Variants in CIT observed in about 807,000 individuals in gnomAD.
The protein encoded by CIT is citron rho-interacting serine/threonine kinase, also known as citron Rho-interacting kinase.
Under a neutral mutation model 272.7 loss-of-function variants are expected in CIT, and 79 were observed. The ratio of observed to expected loss-of-function variants is 0.29; its 90% CI spans 0.24 to 0.35. The LOEUF is 0.35. Ranked by LOEUF, CIT falls within the 10% of genes least tolerant of loss-of-function variation. The pLI, the probability that CIT is intolerant of heterozygous loss-of-function variation, is 1.00. For missense variants in CIT, 1,909 were observed against 2,618.3 expected, an observed-to-expected ratio of 0.73 and a Z score of 5.91; for synonymous variants, 948 against 995.6, an observed-to-expected ratio of 0.95 and a Z score of 0.90.
intron 28 of CIT, among the ~76,000 whole-genome samples, chr12:119,724,588 G>C (rs1938745687): frequency 6.6e-6 from 1 of 152,132 alleles, no homozygotes; most frequent in African/African-American, 2.4e-5. Context: ...ATTTGACCAG[G>C]ACTAGCAAAT....
At chr12:119,762,243 T>C (rs1035321593) in intron 19 of CIT, among the ~76,000 whole-genome samples, 1 of 151,564 alleles carries the variant, frequency 6.6e-6, no homozygotes, top group African/African-American at 2.4e-5. Context: ...AACTGACTGA[T>C]GAAAAAAAAT....
intron 9 of CIT, chr12:119,803,950 C>T (rs1966422993): frequency 6.3e-6 from 1 of 157,672 alleles, no homozygotes; most frequent in African/African-American, 2.4e-5. Flanking sequence ...CTACTTCATT[C>T]ATACCCGGAC....
At chr12:119,847,660 G>T (rs1969910785) in intron 5 of CIT, among the ~76,000 whole-genome samples, 1 of 151,562 alleles carries the variant, frequency 6.6e-6, no homozygotes, top group Non-Finnish European at 1.5e-5. Context: ...GGAGGCCAAG[G>T]CGGGCAGATC....
chr12:119,857,971 A>G (rs1360641004), intron 3 of CIT, among the ~76,000 whole-genome samples: 1 of 152,234 alleles, frequency 6.6e-6, no homozygotes, highest in African/African-American at 2.4e-5. Context: ...GAGAGAGGAT[A>G]CAAATTATGT....
intron 25 of CIT, 76 bp downstream of exon 25, chr12:119,735,084 G>C: frequency 7.1e-7 from 1 of 1,414,120 alleles, no homozygotes; most frequent in South Asian, 1.2e-5. Context: ...GGAACCCTTG[G>C]GAGAACGCAC....
At chr12:119,807,168 C>T (rs1358850224) in intron 9 of CIT, among the ~76,000 whole-genome samples, 2 of 152,176 alleles carry the variant, frequency 1.3e-5, no homozygotes, top group East Asian at 3.8e-4. Context: ...GATTCATGTG[C>T]ACACCACAGT....
intron 26 of CIT, among the ~76,000 whole-genome samples, chr12:119,732,003 T>C (rs1958486280): frequency 6.6e-6 from 1 of 151,788 alleles, no homozygotes; most frequent in East Asian, 1.9e-4. Context: ...ACCCGGCTAA[T>C]TTTTGTATTT....
At chr12:119,775,650 C>T in intron 16 of CIT, 136 bp downstream of exon 16, 1 of 650,420 alleles carries the variant, frequency 1.5e-6, no homozygotes, top group East Asian at 2.7e-5. Context: ...CAGGTAATCG[C>T]TCACTCCCCC....
chr12:119,852,945 C>T (rs1015244480), intron 4 of CIT, among the ~76,000 whole-genome samples: 28 of 151,914 alleles, frequency 1.8e-4, no homozygotes, highest in African/African-American at 3.1e-4. Context: ...CTGTATGTGA[C>T]GGTTAGTCTT....
chr12:119,776,307 A>G (rs1200843621), intron 15 of CIT, 51 bp downstream of exon 15: 1 of 1,444,788 alleles, frequency 6.9e-7, no homozygotes, highest in African/African-American at 1.4e-5. Flanking sequence ...TAACATGAAA[A>G]AAGTTATCTA....
intron 2 of CIT, among the ~76,000 whole-genome samples, chr12:119,870,508 C>G (rs1210643598): frequency 2.7e-5 from 4 of 146,248 alleles, no homozygotes; most frequent in African/African-American, 1.0e-4. Context: ...CGAGATCACA[C>G]CACCGCACTC....
chr12:119,742,581 ATC>A (rs1391400497), intron 23 of CIT, 117 bp from the exon 24 acceptor site: 2 of 645,394 alleles, frequency 3.1e-6, no homozygotes, highest in South Asian at 4.4e-5. Context: ...CGGCACCAGC[ATC>A]TGTTTTTCTA....
At chr12:119,854,377 C>T (rs1014422348) in intron 4 of CIT, among the ~76,000 whole-genome samples, 2 of 151,822 alleles carry the variant, frequency 1.3e-5, no homozygotes, top group Non-Finnish European at 2.9e-5. Context: ...GTGGCTCACG[C>T]CTGTAATCCC....
rs1950834355 is a variant in CIT at position 119,876,060 on chromosome 12, G to A, written c.96+13C>T. The A allele has an allele frequency of 6.3e-7, 1 of 1,584,962 alleles. No homozygotes were observed. Among genetic ancestry groups the A allele is most frequent in the African/African-American group, 1.3e-5 (1 of 74,302 alleles). On this transcript the variant is annotated intron_variant, in intron 2 of 47. Coordinates refer to ENST00000392521, the MANE Select transcript of CIT (RefSeq NM_001206999.2). Reference sequence around the variant, plus strand: ...ACACACAGGTGAGCAAAGTTGGCAGGGTAGGCTGTTACCTGGAAGAACAGA... The same window carrying A: ...ACACACAGGTGAGCAAAGTTGGCAGAGTAGGCTGTTACCTGGAAGAACAGA...
In CIT at chr12:119,784,407, C is replaced by A. The variant is rs549800216; in HGVS notation, c.1402-356G>T. The A allele has an allele frequency of 8.2e-7, 1 of 1,225,406 alleles. No individual in the cohort carries two copies. The highest frequency in any genetic ancestry group is 1.5e-5 in the South Asian group (1 of 66,214). 75.9% of individuals were successfully genotyped at this position (1,225,406 alleles called of 1,614,324 possible). A position where few individuals can be genotyped will look rare whatever the true frequency, so the allele number is the denominator to read the frequency against. Reference sequence around the variant, plus strand: ...ATCCCAAATCCATCTTGATCCCCCCCCATCTCCTTGCAAAGATCTAGAGGA... The same window carrying A: ...ATCCCAAATCCATCTTGATCCCCCCACATCTCCTTGCAAAGATCTAGAGGA... On this transcript the variant is annotated intron_variant, in intron 11 of 47. Transcript: ENST00000392521. The surrounding 1 kb of genome is among the most constrained non-coding windows in gnomAD (Gnocchi z 4.7).
intron 16 of CIT, among the ~76,000 whole-genome samples, chr12:119,774,819 A>G (rs1593692617): frequency 6.6e-6 from 1 of 152,246 alleles, no homozygotes. Context: ...CAGAAAATAC[A>G]GAAAATCAGC....
Position 119,710,716 on chromosome 12 carries a change from C to A in CIT, c.4855-96G>T. ...AGAGAAACCAAGAGAAGGTTAAGGC[C>A]AAGTTATTCCTGGAAATGCTCAGAA... On this transcript the variant is annotated intron_variant, in intron 37 of 47. Coordinates refer to ENST00000392521, the MANE Select transcript of CIT (RefSeq NM_001206999.2). The surrounding 1 kb of genome is among the most constrained non-coding windows in gnomAD (Gnocchi z 5.6). 1 of 1,159,766 alleles carries A rather than the reference C, an allele frequency of 8.6e-7. No homozygotes were observed. The highest frequency in any genetic ancestry group is 1.3e-6 in the Non-Finnish European group (1 of 776,632). The allele number at this position is 1,159,766 out of a possible 1,614,324, so 71.8% of individuals were successfully genotyped here. A position where few individuals can be genotyped will look rare whatever the true frequency, so the allele number is the denominator to read the frequency against.
At chr12:119,790,878 C>T (rs1026511345) in intron 10 of CIT, among the ~76,000 whole-genome samples, 2 of 152,230 alleles carry the variant, frequency 1.3e-5, no homozygotes, top group Non-Finnish European at 2.9e-5. Flanking sequence ...GCCACAATTC[C>T]TGTCCTCAAG....
rs60611060 is a variant in CIT at position 119,717,419 on chromosome 12, CT to C, written c.4168+825del. On this transcript the variant is annotated intron_variant, in intron 32 of 47. Coordinates refer to ENST00000392521, the MANE Select transcript of CIT (RefSeq NM_001206999.2). ...TTCATATTCTTTTTTCTTTTCTTTTCTTTTTTTTTTTTTTTTTTTGAGATGG... is the reference window on the plus strand; with the variant it reads ...TTCATATTCTTTTTTCTTTTCTTTTCTTTTTTTTTTTTTTTTTTGAGATGG... 1.3e-3 allele frequency among the ~76,000 whole-genome samples: 72 copies of C among 54,250 alleles called. 1 individual carries two copies. The highest frequency in any genetic ancestry group is 2.0e-3 in the African/African-American group (39 of 19,122). 35.6% of individuals were successfully genotyped at this position (54,250 alleles called of 152,430 possible).
Sources: gnomAD v4.1 joint callset for allele counts (sites outside exome capture counted in the v4.1 genomes callset) on GRCh38, gnomAD v4.1.1 for gene constraint, Gnocchi (gnomAD v3.1) non-coding constraint, MANE v1.5 for transcripts, NCBI Gene and HGNC (gene_info 2026-07-23, HGNC 2026-07-21) for gene names.